The following SAMD8 variants were observed in gnomAD, a reference collection of about 807,000 sequenced individuals.
SAMD8 encodes sphingomyelin synthase-related protein 1.
In SAMD8, 20 loss-of-function variants were observed where a neutral mutation model predicts 42.0. The ratio of observed to expected loss-of-function variants is 0.48; its 90% CI spans 0.34 to 0.69. The LOEUF (loss-of-function observed/expected upper bound fraction) is 0.69. Among genes scored for constraint, SAMD8 ranks in the 30% least tolerant of loss-of-function variants. The probability of loss-of-function intolerance (pLI) is 0.01; values close to 1 mark genes in which losing one functional copy is unlikely to be tolerated. For missense variants in SAMD8, 328 were observed against 511.6 expected (o/e 0.64, Z 3.46); for synonymous variants, 162 against 173.0 (o/e 0.94, Z 0.50).
intron 1 of SAMD8, among the ~76,000 whole-genome samples, chr10:75,113,215 C>T (rs1274571062): frequency 6.6e-6 from 1 of 152,152 alleles, no homozygotes. Context: ...TATTTATATT[C>T]ACTTTAGTAG....
Position 75,150,845 on chromosome 10 carries a change from G to C in SAMD8, c.317G>C (p.Ser106Thr), listed in dbSNP as rs1564688155. 1 of 1,613,946 alleles carries C rather than the reference G, an allele frequency of 6.2e-7. No individual in the cohort carries two copies. The highest frequency in any genetic ancestry group is 8.5e-7 in the Non-Finnish European group (1 of 1,179,986). ...ACCCCTTTCATCAGTGCTCTTCAGA[G>C]TACAGACTGGCTCTGTAATGGGGAG... Reference protein sequence around the residue: ...SMTPFISALQSTDWLCNGELS... With the variant: ...SMTPFISALQTTDWLCNGELS... Residue 106 changes from serine (S) to threonine (T), a missense_variant, in exon 2 of 6, where the codon AGT becomes ACT. This residue lies in a region of SAMD8 where 150 missense variants were observed against 186.0 expected (regional missense o/e 0.81). Transcript: ENST00000542569.
At chr10:75,146,759 C>T (rs1474966732) in intron 1 of SAMD8, among the ~76,000 whole-genome samples, 1 of 152,058 alleles carries the variant, frequency 6.6e-6, no homozygotes, top group African/African-American at 2.4e-5. Context: ...ATCTAATTTC[C>T]TTATTTTATC....
At chr10:75,131,271 G>C (rs1849268319) in intron 1 of SAMD8, among the ~76,000 whole-genome samples, 5 of 152,106 alleles carry the variant, frequency 3.3e-5, no homozygotes, top group Admixed American at 3.3e-4. Flanking sequence ...CTTCTTCTCT[G>C]CTTCTGGTTT....
Position 75,176,332 on chromosome 10 carries a change from C to G in SAMD8, c.944-56C>G, listed in dbSNP as rs1028566389. On this transcript the variant is annotated intron_variant, in intron 5 of 5. Transcript: ENST00000542569. The surrounding 1 kb of genome is among the most constrained non-coding windows in gnomAD (Gnocchi z 4.3). ...AAACAGCCTGACCTGAGAAACGTGACTGAGAAGCATTGGAAGGAATGTAGC... is the reference window on the plus strand; with the variant it reads ...AAACAGCCTGACCTGAGAAACGTGAGTGAGAAGCATTGGAAGGAATGTAGC... 3.8e-6 allele frequency: 6 copies of G among 1,593,758 alleles called. No individual in the cohort carries two copies. Among genetic ancestry groups the G allele is most frequent in the African/African-American group, 1.3e-5 (1 of 74,458 alleles).
At chr10:75,102,910 C>T (rs1183308890) in intron 1 of SAMD8, among the ~76,000 whole-genome samples, 1 of 152,138 alleles carries the variant, frequency 6.6e-6, no homozygotes, top group Non-Finnish European at 1.5e-5. Context: ...TGAGATCACG[C>T]CATTGCACTC....
chr10:75,120,610 G>A (rs1589934684), intron 1 of SAMD8, among the ~76,000 whole-genome samples: 1 of 152,074 alleles, frequency 6.6e-6, no homozygotes, highest in African/African-American at 2.4e-5. Flanking sequence ...GTATGCTCCT[G>A]TGGAAATATT....
At chr10:75,126,268 T>C (rs1389844576) in intron 1 of SAMD8, among the ~76,000 whole-genome samples, 4 of 152,198 alleles carry the variant, frequency 2.6e-5, no homozygotes, top group Non-Finnish European at 5.9e-5. Context: ...CCTTTAACTT[T>C]CCAATTTTTA....
At chr10:75,101,079 T>C (rs1848129557) in intron 1 of SAMD8, among the ~76,000 whole-genome samples, 2 of 151,950 alleles carry the variant, frequency 1.3e-5, no homozygotes, top group African/African-American at 4.8e-5. Context: ...GCAGGACCAG[T>C]GAGGAGTGTG....
chr10:75,137,505 A>C (rs59653898), intron 1 of SAMD8, among the ~76,000 whole-genome samples: 28,689 of 151,276 alleles, frequency 0.19, 2,972 homozygotes, highest in East Asian at 0.26. Flanking sequence ...GTGCCACTGC[A>C]CTCCAGCCTG....
rs1470536437 is a variant in SAMD8 at position 75,169,660 on chromosome 10, TC to T, written c.792+1005del. On this transcript the variant is annotated intron_variant, in intron 4 of 5. Transcript: ENST00000542569. The stretch of plus-strand genomic sequence containing the variant: ...CAGGTGCAGTGGCTCACGCCTGTAA[TC>T]CCAGCACTTTGGGAGGCCAAGGCGG... 2.0e-5 allele frequency among the ~76,000 whole-genome samples: 3 copies of T among 152,196 alleles called. No homozygotes were observed. In the East Asian group the frequency reaches 5.8e-4, roughly 29 times the overall value.
At chr10:75,108,897 G>T, upstream of SAMD8, 1 of 1,390,534 alleles carries the variant, frequency 7.2e-7, no homozygotes, top group Non-Finnish European at 9.6e-7. Flanking sequence ...GGCCTGGGAT[G>T]GTCAGAGCAG....
intron 1 of SAMD8, among the ~76,000 whole-genome samples, chr10:75,123,759 C>T (rs1442162469): frequency 1.3e-5 from 2 of 151,590 alleles, no homozygotes; most frequent in East Asian, 1.9e-4. Context: ...GGCATGATCT[C>T]GGCTCACTGC....
At chr10:75,106,371 A>G (rs1848509516) in intron 1 of SAMD8, among the ~76,000 whole-genome samples, 2 of 151,706 alleles carry the variant, frequency 1.3e-5, no homozygotes, top group Admixed American at 1.3e-4. Flanking sequence ...TCTGACCTCC[A>G]GCCTTACCAC....
chr10:75,173,931 AT>A (rs1344109658), intron 4 of SAMD8, among the ~76,000 whole-genome samples: 1 of 152,248 alleles, frequency 6.6e-6, no homozygotes, highest in Non-Finnish European at 1.5e-5. Flanking sequence ...CATCTGCACA[AT>A]TAAATCACTT....
At chr10:75,143,775 C>T (rs529282749) in intron 1 of SAMD8, among the ~76,000 whole-genome samples, 22 of 151,874 alleles carry the variant, frequency 1.4e-4, no homozygotes, top group Non-Finnish European at 3.1e-4. Context: ...GTTTGTTAAG[C>T]TTCTTGGATA....
At chr10:75,138,958 C>CTTTTTTT (rs201911661) in intron 1 of SAMD8, among the ~76,000 whole-genome samples, 1 of 133,308 alleles carries the variant, frequency 7.5e-6, no homozygotes, top group African/African-American at 2.8e-5. Context: ...GTGGTTTTTT[C>CTTTTTTT]TTTTTTTTTT....
intron 1 of SAMD8, among the ~76,000 whole-genome samples, chr10:75,145,627 A>G (rs1412998083): frequency 6.6e-6 from 1 of 152,180 alleles, no homozygotes; most frequent in Admixed American, 6.6e-5. Flanking sequence ...GTTTCTCAAT[A>G]GCAGCACCAT....
upstream of SAMD8, chr10:75,108,055 C>A: frequency 6.2e-7 from 1 of 1,613,872 alleles, no homozygotes; most frequent in Non-Finnish European, 8.5e-7. Context: ...GCACTGATGT[C>A]AAAATCAGGG....
At chr10:75,148,289 G>T (rs1840190744) in intron 1 of SAMD8, among the ~76,000 whole-genome samples, 1 of 149,068 alleles carries the variant, frequency 6.7e-6, no homozygotes, top group East Asian at 2.0e-4. Flanking sequence ...CCAAGTTACT[G>T]TAAGTCTTCG....
Sources: gnomAD v4.1 joint callset for allele counts (sites outside exome capture counted in the v4.1 genomes callset) on GRCh38, gnomAD v4.1.1 for gene constraint, gnomAD v4.1.1 regional missense constraint, Gnocchi (gnomAD v3.1) non-coding constraint, MANE v1.5 for transcripts, NCBI Gene and HGNC (gene_info 2026-07-23, HGNC 2026-07-21) for gene names.